The following DPH1 variants were observed in gnomAD, a reference collection of about 807,000 sequenced individuals.
DPH1 encodes the protein 2-(3-amino-3-carboxypropyl)histidine synthase subunit 1.
In DPH1, 59 loss-of-function variants were observed where a neutral mutation model predicts 55.3. That is an observed-to-expected ratio of 1.07 (90% CI 0.87 to 1.33). The LOEUF (loss-of-function observed/expected upper bound fraction) is 1.33, where lower values mean the gene tolerates loss of function less well. DPH1 is among the 40% of genes most tolerant of loss of function. The pLI, the probability that DPH1 is intolerant of heterozygous loss-of-function variation, is 0.00. For missense variants in DPH1, 628 were observed against 584.8 expected (o/e 1.07, Z -0.76); for synonymous variants, 238 against 235.5 (o/e 1.01, Z -0.10).
chr17:2,039,929 A>G (rs2151353223), intron 7 of DPH1, 106 bp downstream of exon 7: 10 of 1,527,292 alleles, frequency 6.5e-6, no homozygotes, highest in Non-Finnish European at 8.1e-6. Flanking sequence ...CTAAGCCACC[A>G]GCCCTAAGGG....
chr17:2,031,565 CAAAAAAAA>C (rs56410346), intron 1 of DPH1, among the ~76,000 whole-genome samples: 101 of 69,652 alleles, frequency 1.5e-3, no homozygotes, highest in African/African-American at 5.4e-3. Context: ...GACTCTGTCT[CAAAAAAAA>C]AAAAAAAAAA....
chr17:2,030,231 G>C lies in DPH1; in HGVS notation c.61+1G>C. ...GGCGGCCGAGACGGCCCTGGCAGAG[G>C]TGGGTGCTGGAACGCTGCGCCCTCC... is the stretch of plus-strand genomic sequence containing the variant. On this transcript the variant is annotated splice_donor_variant, in intron 1 of 12. Transcript: ENST00000263083. LOFTEE classifies it high-confidence loss of function. The C allele has an allele frequency of 6.3e-7, 1 of 1,579,874 alleles. No individual in the cohort carries two copies. Among genetic ancestry groups the C allele is most frequent in the Non-Finnish European group, 8.6e-7 (1 of 1,163,500 alleles).
rs762502599 is a variant in DPH1, at chr17:2,042,720, GAT to G, written c.*135_*136del. ...GCAGGGGCCTGGAGGAATCACTGGG[GAT>G]GGTGGCACAGGCACTGAACAGGCTG... is the stretch of plus-strand genomic sequence containing the variant. On this transcript the variant is annotated 3_prime_UTR_variant, in exon 13 of 13. Transcript: ENST00000263083. 5.1e-5 allele frequency: 79 copies of G among 1,562,912 alleles called. No homozygotes were observed. The Admixed American group carries it at 1.6e-3, about 31-fold the overall frequency.
Position 2,036,786 on chromosome 17 carries a change from G to T in DPH1, c.559-49G>T. 6.2e-7 allele frequency: 1 copy of T among 1,608,138 alleles called. No individual in the cohort carries two copies. The highest frequency in any genetic ancestry group is 8.5e-7 in the Non-Finnish European group (1 of 1,176,706). ...GTGCTCCAGGCTGTTTCTCAGCCCT[G>T]GCTCTCCTGCCCCAGCCGCTGGCTT... On this transcript the variant is annotated intron_variant, in intron 5 of 12. Coordinates refer to ENST00000263083, the MANE Select transcript of DPH1 (RefSeq NM_001383.6). The surrounding 1 kb of genome is among the most constrained non-coding windows in gnomAD (Gnocchi z 4.8).
At chr17:2,032,176 T>C (rs1421876761) in intron 1 of DPH1, among the ~76,000 whole-genome samples, 1 of 152,136 alleles carries the variant, frequency 6.6e-6, no homozygotes, top group Non-Finnish European at 1.5e-5. Flanking sequence ...AGACCTCATA[T>C]CTAGAAGCTC....
At chr17:2,038,147 C>CAAAAAA (rs201391773) in intron 6 of DPH1, among the ~76,000 whole-genome samples, 1 of 108,748 alleles carries the variant, frequency 9.2e-6, no homozygotes. Flanking sequence ...CTGTTCTCTC[C>CAAAAAA]AAAAAAAAAA....
chr17:2,040,268 G>C lies in DPH1; in HGVS notation c.800G>C (p.Arg267Pro), dbSNP rs1184605738. The C allele has an allele frequency of 6.2e-7, 1 of 1,614,036 alleles. No individual in the cohort carries two copies. The highest frequency in any genetic ancestry group is 1.1e-5 in the South Asian group (1 of 91,084). The change falls in exon 8 of 13, where the codon CGC becomes CCC. Residue 267 changes from arginine to proline, a missense_variant. Physicochemically the swap from Arg to Pro is moderately radical, Grantham distance 103 (BLOSUM62 -2). Coordinates refer to ENST00000263083, the MANE Select transcript of DPH1 (RefSeq NM_001383.6). Reference protein sequence around the residue: ...VLSREHYDHQRMQAARQEAIA... With the variant: ...VLSREHYDHQPMQAARQEAIA... ...TCCAGAGAACACTATGACCACCAGC[G>C]CATGCAGGCTGCTCGCCAAGAAGCC...
intron 1 of DPH1, among the ~76,000 whole-genome samples, chr17:2,031,220 C>T (rs2067327502): frequency 6.6e-6 from 1 of 151,990 alleles, no homozygotes; most frequent in African/African-American, 2.4e-5. Flanking sequence ...AATTCCACAC[C>T]AGTCTGGGAA....
In DPH1 at chr17:2,041,776, G is replaced by T; in HGVS notation, c.1236G>T (p.Glu412Asp). The T allele has an allele frequency of 6.2e-7, 1 of 1,605,532 alleles. No individual in the cohort carries two copies. Among genetic ancestry groups the T allele is most frequent in the Non-Finnish European group, 8.5e-7 (1 of 1,176,574 alleles). ...PGRPARGKVQ[E>D]GSARPPSAVA... ...AAAGTCTGCGACCTCAGGTGCAGGA[G>T]GGGTCCGCGCGTCCCCCTTCGGCCG... The change falls in exon 12 of 13, where the codon GAG (glutamate) becomes GAT (aspartate). Residue 412 changes from glutamate (E) to aspartate (D), a missense_variant. By Grantham distance (45) the Glu-to-Asp change is conservative. Coordinates refer to ENST00000263083, the MANE Select transcript of DPH1 (RefSeq NM_001383.6).
At chr17:2,034,048 A>C (rs945255795) in intron 3 of DPH1, among the ~76,000 whole-genome samples, 1 of 152,126 alleles carries the variant, frequency 6.6e-6, no homozygotes, top group African/African-American at 2.4e-5. Flanking sequence ...TGTCCCTGCA[A>C]ATCCCCCCTC....
At chr17:2,030,362 C>T in intron 1 of DPH1, 132 bp downstream of exon 1, 1 of 1,109,934 alleles carries the variant, frequency 9.0e-7, no homozygotes, top group Non-Finnish European at 1.3e-6. Flanking sequence ...TCGCCTTGGG[C>T]CGCTGTCACC....
intron 3 of DPH1, among the ~76,000 whole-genome samples, chr17:2,034,137 GGA>G (rs2067370108): frequency 6.6e-6 from 1 of 152,012 alleles, no homozygotes; most frequent in Admixed American, 6.6e-5. Flanking sequence ...TAGGACCTGG[GGA>G]GGACCCTAAG....
intron 6 of DPH1, among the ~76,000 whole-genome samples, chr17:2,038,747 G>A (rs1257249727): frequency 1.3e-5 from 2 of 152,130 alleles, no homozygotes; most frequent in East Asian, 1.9e-4. Context: ...TACTGCTGGC[G>A]TAGATGACTC....
Position 2,036,283 on chromosome 17 carries a change from G to A in DPH1, c.400+192G>A. ...TGGATTTGGTTGCCTTGGCAACGGT[G>A]CTCTGTCCCAGATGCAGGTGTTTGA... On this transcript the variant is annotated intron_variant, in intron 4 of 12. Coordinates refer to ENST00000263083, the MANE Select transcript of DPH1 (RefSeq NM_001383.6). This position sits in a 1 kb window ranked among gnomAD's most constrained non-coding sequence, Gnocchi z 4.8. 8.4e-7 allele frequency: 1 copy of A among 1,183,802 alleles called. No individual in the cohort carries two copies. Among genetic ancestry groups the A allele is most frequent in the South Asian group, 1.6e-5 (1 of 63,034 alleles). 73.3% of individuals were successfully genotyped at this position (1,183,802 alleles called of 1,614,324 possible). A position where few individuals can be genotyped will look rare whatever the true frequency, so the allele number is the denominator to read the frequency against.
rs754283257 is a variant in DPH1, at chr17:2,030,198, C to T, written c.29C>T (p.Ala10Val). MAALVVSGA[A>V]EQGGRDGPGR... ...GCGGCGCTGGTCGTATCCGGGGCAG[C>T]GGAGCAGGGCGGCCGAGACGGCCCT... Residue 10 changes from alanine (A) to valine (V), a missense_variant, in exon 1 of 13, where the codon GCG becomes GTG. By Grantham distance (64) the Ala-to-Val change is moderately conservative. Coordinates refer to ENST00000263083, the MANE Select transcript of DPH1 (RefSeq NM_001383.6). 7.1e-5 allele frequency: 114 copies of T among 1,600,254 alleles called. 1 individual carries two copies. Among genetic ancestry groups the T allele is most frequent in the Non-Finnish European group, 9.6e-5 (113 of 1,174,664 alleles).
chr17:2,042,449 C>G (rs2067557081), intron 12 of DPH1, 156 bp from the exon 13 acceptor site: 14 of 1,294,120 alleles, frequency 1.1e-5, no homozygotes, highest in Non-Finnish European at 1.4e-5. Flanking sequence ...CCTGTTCAGG[C>G]CAATCCACTC....
At chr17:2,041,060 C>G in intron 9 of DPH1, 43 bp from the exon 10 acceptor site, 1 of 1,561,242 alleles carries the variant, frequency 6.4e-7, no homozygotes, top group South Asian at 1.2e-5. Context: ...GCCTGGGCGA[C>G]GAGGAGGCCC....
chr17:2,035,016 A>C (rs1401040342), intron 3 of DPH1: 1 of 151,452 alleles, frequency 6.6e-6, no homozygotes. Flanking sequence ...CTGCATTCTA[A>C]GGAGGTGAAT....
rs748149119 is a variant in DPH1, at chr17:2,042,654, GGAGGCCGACGTTTTCTCCGCATTGGAA to G, written c.*72_*98del. 2.0e-6 allele frequency: 3 copies of G among 1,524,322 alleles called. No homozygotes were observed. Among genetic ancestry groups the G allele is most frequent in the South Asian group, 1.3e-5 (1 of 75,262 alleles). The allele number at this position is 1,524,322 out of a possible 1,614,324, so 94.4% of individuals were successfully genotyped here. On this transcript the variant is annotated 3_prime_UTR_variant, in exon 13 of 13. Transcript: ENST00000263083. ...CTCGAGGCTGGTGGTTTTCAGAGCA[GGAGGCCGACGTTTTCTCCGCATTGGAA>G]GAGCCCGCCGTCTGCAGGGGCCTGG...
Sources: allele counts gnomAD v4.1 joint callset (sites outside exome capture counted in the v4.1 genomes callset), GRCh38; gene constraint gnomAD v4.1.1; non-coding constraint Gnocchi (gnomAD v3.1); transcripts MANE v1.5; gene names NCBI Gene and HGNC (gene_info 2026-07-23, HGNC 2026-07-21).